The following ZNF423 variants were observed in gnomAD, a reference collection of about 807,000 sequenced individuals.
ZNF423 encodes Ebf-associated zinc finger protein.
A neutral mutation model predicts 95.8 loss-of-function variants in ZNF423; 12 were observed. That is an observed-to-expected ratio of 0.13 (90% confidence interval 0.08 to 0.20). The LOEUF is 0.20. Ranked by LOEUF, ZNF423 falls within the 10% of genes least tolerant of loss-of-function variation. ZNF423 has a pLI of 1.00. For synonymous variants in ZNF423, 749 were observed against 711.9 expected (o/e 1.05, Z -0.83); for missense variants, 1,316 against 1,737.1 (o/e 0.76, Z 4.31).
chr16:49,590,073 A>G (rs1200450410), intron 5 of ZNF423, among the ~76,000 whole-genome samples: 3 of 124,796 alleles, frequency 2.4e-5, no homozygotes, highest in Non-Finnish European at 5.2e-5. Flanking sequence ...AGACGTGACC[A>G]GAGATGTCAC....
rs886356484 is a variant in ZNF423, at chr16:49,855,291, C to T, written c.40+444G>A. Among the ~76,000 whole-genome samples, 1 of 151,448 alleles carries T rather than the reference C, an allele frequency of 6.6e-6. No homozygotes were observed. The highest frequency in any genetic ancestry group is 1.5e-5 in the Non-Finnish European group (1 of 67,760). On this transcript the variant is annotated intron_variant, in intron 1 of 7. Coordinates refer to ENST00000563137, the MANE Select transcript of ZNF423 (RefSeq NM_001379286.1). This position sits in a 1 kb window ranked among gnomAD's most constrained non-coding sequence, Gnocchi z 4.7. ...AGCGAGGAGCGGTCGGCCTGCCGGG[C>T]GCCCGTCCTCGCCGCCTCTTCCTTC... is the stretch of plus-strand genomic sequence containing the variant.
At chr16:49,783,764 G>A (rs185100907) in intron 2 of ZNF423, among the ~76,000 whole-genome samples, 22 of 152,112 alleles carry the variant, frequency 1.4e-4, no homozygotes, top group African/African-American at 5.1e-4. Context: ...AAGGTCAGGA[G>A]ATCGAGATCA....
At chr16:49,620,210 G>T (rs564766394) in intron 5 of ZNF423, among the ~76,000 whole-genome samples, 1 of 128,292 alleles carries the variant, frequency 7.8e-6, no homozygotes, top group South Asian at 2.6e-4. Context: ...TACACACACA[G>T]ACACACACAT....
chr16:49,843,782 G>A (rs950152625), intron 1 of ZNF423, among the ~76,000 whole-genome samples: 10 of 137,580 alleles, frequency 7.3e-5, no homozygotes, highest in East Asian at 2.5e-4. Context: ...TCCCCCTCCC[G>A]CCCACTTAGC....
At chr16:49,645,798 TAGTG>T (rs1230014228) in intron 3 of ZNF423, among the ~76,000 whole-genome samples, 4 of 152,178 alleles carry the variant, frequency 2.6e-5, no homozygotes, top group African/African-American at 7.2e-5. Context: ...ATTCTAGCGA[TAGTG>T]AGTAAGTTCT....
At chr16:49,547,577 C>G (rs909462984) in intron 5 of ZNF423, among the ~76,000 whole-genome samples, 3 of 152,230 alleles carry the variant, frequency 2.0e-5, no homozygotes, top group Non-Finnish European at 4.4e-5. Context: ...TGCTCTCCAA[C>G]TCCCTGGGTC....
intron 2 of ZNF423, among the ~76,000 whole-genome samples, chr16:49,749,181 C>T (rs1303635959): frequency 1.3e-5 from 2 of 152,170 alleles, no homozygotes; most frequent in Non-Finnish European, 2.9e-5. Context: ...GAAGTGAGGT[C>T]CCCTGGGAGC....
At chr16:49,516,476 G>C (rs745363007) in intron 7 of ZNF423, among the ~76,000 whole-genome samples, 1 of 152,198 alleles carries the variant, frequency 6.6e-6, no homozygotes, top group Non-Finnish European at 1.5e-5. Context: ...CTCTTAAGTA[G>C]GAACTACTCA....
intron 4 of ZNF423, among the ~76,000 whole-genome samples, chr16:49,629,556 C>T (rs1373072640): frequency 6.6e-6 from 1 of 152,094 alleles, no homozygotes; most frequent in Admixed American, 6.5e-5. Flanking sequence ...CTCTTTTCAC[C>T]CCAGAATGGG....
At chr16:49,573,446 T>A (rs1970409998) in intron 5 of ZNF423, among the ~76,000 whole-genome samples, 1 of 152,210 alleles carries the variant, frequency 6.6e-6, no homozygotes, top group Non-Finnish European at 1.5e-5. Context: ...ATTTAGCTCA[T>A]GATTCTGGAG....
intron 2 of ZNF423, among the ~76,000 whole-genome samples, chr16:49,750,251 C>A (rs1333437618): frequency 1.3e-5 from 2 of 152,238 alleles, no homozygotes; most frequent in African/African-American, 2.4e-5. Flanking sequence ...TCCACCAATA[C>A]CCCTTCCTAG....
chr16:49,665,555 G>C (rs372698341), intron 3 of ZNF423, among the ~76,000 whole-genome samples: 1 of 152,140 alleles, frequency 6.6e-6, no homozygotes, highest in Non-Finnish European at 1.5e-5. Context: ...AGCTCCAAGC[G>C]GCAGGACCAG....
chr16:49,489,241 G>A lies in ZNF423; in HGVS notation c.*2034C>T, dbSNP rs554917788. ...GAGACGGAGATGTGGCAGGCCCCGG[G>A]ACATACTGGTCCCATCGACAGTCCC... On this transcript the variant is annotated 3_prime_UTR_variant, in exon 8 of 8. Coordinates refer to ENST00000563137, the MANE Select transcript of ZNF423 (RefSeq NM_001379286.1). 4 of 152,464 alleles carry A rather than the reference G, an allele frequency of 2.6e-5. No individual in the cohort carries two copies. Among genetic ancestry groups the A allele is most frequent in the South Asian group, 2.1e-4 (1 of 4,832 alleles). 9.4% of individuals were successfully genotyped at this position (152,464 alleles called of 1,614,324 possible).
At position 49,491,021 on chromosome 16, in the gene ZNF423, T is replaced by A; in HGVS notation, c.*254A>T. The stretch of plus-strand genomic sequence containing the variant: ...GCAGGTTTCTCTAACTCTAGAAATG[T>A]AGTCTGCGGCGGAAAGTCTAAAAGC... On this transcript the variant is annotated 3_prime_UTR_variant, in exon 8 of 8. Coordinates refer to ENST00000563137, the MANE Select transcript of ZNF423 (RefSeq NM_001379286.1). The A allele has an allele frequency of 2.0e-6, 1 of 504,950 alleles. No individual in the cohort carries two copies. The highest frequency in any genetic ancestry group is 2.9e-5 in the East Asian group (1 of 34,626). The allele number at this position is 504,950 out of a possible 1,614,324, so 31.3% of individuals were successfully genotyped here.
Position 49,855,557 on chromosome 16 carries a change from TTCCTCCTCCCCC to T in ZNF423, c.40+166_40+177del, listed in dbSNP as rs1325100471. Among the ~76,000 whole-genome samples the T allele has an allele frequency of 1.5e-5, 2 of 133,766 alleles. No homozygotes were observed. Among genetic ancestry groups the T allele is most frequent in the African/African-American group, 5.8e-5 (2 of 34,670 alleles). 87.8% of individuals were successfully genotyped at this position (133,766 alleles called of 152,430 possible). On this transcript the variant is annotated intron_variant, in intron 1 of 7. Coordinates refer to ENST00000563137, the MANE Select transcript of ZNF423 (RefSeq NM_001379286.1). This position sits in a 1 kb window ranked among gnomAD's most constrained non-coding sequence, Gnocchi z 4.7. ...GCCGCCTCCGCCTCCTGCTCCCGGCTTCCTCCTCCCCCTCCTCCGCCTCCGCCTCCGCCTCCG... is the reference window on the plus strand; with the variant it reads ...GCCGCCTCCGCCTCCTGCTCCCGGCTTCCTCCGCCTCCGCCTCCGCCTCCG...
chr16:49,575,435 C>T (rs960453574), intron 5 of ZNF423, among the ~76,000 whole-genome samples: 3 of 152,194 alleles, frequency 2.0e-5, no homozygotes, highest in Admixed American at 6.5e-5. Flanking sequence ...AGCCCCTTCA[C>T]TCTCTAGGTT....
chr16:49,547,753 G>A (rs1969492841), intron 5 of ZNF423, among the ~76,000 whole-genome samples: 1 of 152,240 alleles, frequency 6.6e-6, no homozygotes, highest in Admixed American at 6.5e-5. Flanking sequence ...TCTCGCAAAA[G>A]TCGCTCTTGA....
intron 3 of ZNF423, among the ~76,000 whole-genome samples, chr16:49,650,633 C>G (rs1294107984): frequency 1.3e-5 from 2 of 152,148 alleles, no homozygotes; most frequent in African/African-American, 4.8e-5. Flanking sequence ...GGCCACACAC[C>G]CAGGCATCCT....
In ZNF423 at chr16:49,525,494, T is replaced by C; in HGVS notation, c.3602A>G (p.Glu1201Gly). 1 of 1,613,988 alleles carries C rather than the reference T, an allele frequency of 6.2e-7. No homozygotes were observed. The highest frequency in any genetic ancestry group is 8.5e-7 in the Non-Finnish European group (1 of 1,179,966). ...CTTACACTCGTGGTTGATGCCTTCCTCTGCAAGGAAAACCCGTGACCAGTC... is the reference window on the plus strand; with the variant it reads ...CTTACACTCGTGGTTGATGCCTTCCCCTGCAAGGAAAACCCGTGACCAGTC... ...IQIHVANHMI[E>G]EGINHECKLC... Residue 1201 changes from glutamate to glycine, a missense_variant and splice_region_variant, in exon 6 of 8, where the codon GAG becomes GGG. Around this residue, in one of 6 missense-constraint regions of ZNF423, gnomAD observed 75 missense variants for 163.5 expected, o/e 0.46. Coordinates refer to ENST00000563137, the MANE Select transcript of ZNF423 (RefSeq NM_001379286.1).
Sources: allele counts gnomAD v4.1 joint callset (sites outside exome capture counted in the v4.1 genomes callset), GRCh38; gene constraint gnomAD v4.1.1; regional missense constraint gnomAD v4.1.1; non-coding constraint Gnocchi (gnomAD v3.1); transcripts MANE v1.5; gene names NCBI Gene and HGNC (gene_info 2026-07-23, HGNC 2026-07-21).